ACAN: variants seen among roughly 807,000 people sequenced by gnomAD.
The protein encoded by ACAN is aggrecan core protein.
ACAN carries 47 observed loss-of-function variants against 169.1 expected under a neutral mutation model. That is an observed-to-expected ratio of 0.28 (90% CI 0.22 to 0.35). The LOEUF is 0.35. ACAN is among the 10% of genes least tolerant of loss of function. The pLI, the probability that ACAN is intolerant of heterozygous loss-of-function variation, is 1.00. For missense variants in ACAN, 2,716 were observed against 2,759.9 expected, an observed-to-expected ratio of 0.98 and a Z score of 0.36; for synonymous variants, 1,115 against 1,112.2, an observed-to-expected ratio of 1.00 and a Z score of -0.05.
intron 1 of ACAN, among the ~76,000 whole-genome samples, chr15:88,813,714 C>T (rs1895875498): frequency 6.6e-6 from 1 of 152,208 alleles, no homozygotes; most frequent in South Asian, 2.1e-4. Flanking sequence ...GTCCTAGCAC[C>T]TCTGTGCCAC....
intron 1 of ACAN, among the ~76,000 whole-genome samples, chr15:88,811,284 C>CA (rs1468414378): frequency 1.3e-5 from 2 of 152,028 alleles, no homozygotes; most frequent in African/African-American, 4.8e-5. Context: ...GACCGTGAAG[C>CA]TTTTTTTTCC....
At chr15:88,806,003 G>A (rs982031775) in intron 1 of ACAN, among the ~76,000 whole-genome samples, 2 of 152,146 alleles carry the variant, frequency 1.3e-5, no homozygotes, top group African/African-American at 4.8e-5. Flanking sequence ...TGAGACAGTC[G>A]GCAAGAGCCA....
At chr15:88,808,482 T>C (rs1231012453) in intron 1 of ACAN, among the ~76,000 whole-genome samples, 1 of 152,244 alleles carries the variant, frequency 6.6e-6, no homozygotes, top group Admixed American at 6.5e-5. Context: ...TACAGTCTAA[T>C]GGGGAAGACG....
rs1431988197 is a variant in ACAN, at chr15:88,838,009, A to G, written c.71-654A>G. On this transcript the variant is annotated intron_variant, in intron 2 of 18. Transcript: ENST00000560601. The surrounding 1 kb of genome is among the most constrained non-coding windows in gnomAD (Gnocchi z 5.1). ...ACCTCCTCTATTGACACTCTCCATT[A>G]TATTAACATGTTTGGAGTCTGATCC... Among the ~76,000 whole-genome samples, 2 of 145,690 alleles carry G rather than the reference A, an allele frequency of 1.4e-5. No homozygotes were observed. Among genetic ancestry groups the G allele is most frequent in the Non-Finnish European group, 3.0e-5 (2 of 67,246 alleles).
intron 13 of ACAN, among the ~76,000 whole-genome samples, chr15:88,863,291 C>T (rs1372686310): frequency 1.3e-5 from 2 of 152,160 alleles, no homozygotes; most frequent in Non-Finnish European, 2.9e-5. Context: ...CGTCTTTCCC[C>T]ACTTCCATTA....
intron 1 of ACAN, among the ~76,000 whole-genome samples, chr15:88,815,389 T>A (rs1895913308): frequency 6.6e-6 from 1 of 151,886 alleles, no homozygotes; most frequent in Non-Finnish European, 1.5e-5. Context: ...AGAAACCTCG[T>A]CTCTACTAAA....
intron 1 of ACAN, among the ~76,000 whole-genome samples, chr15:88,831,499 C>T (rs554428287): frequency 1.4e-4 from 22 of 152,356 alleles, no homozygotes; most frequent in African/African-American, 4.1e-4. Context: ...ACTTCTAAGA[C>T]GTACGGGCTG....
At position 88,839,546 on chromosome 15, in the gene ACAN, G is replaced by C. The variant is rs1254488399; in HGVS notation, c.455-466G>C. On this transcript the variant is annotated intron_variant, in intron 3 of 18. Transcript: ENST00000560601. The surrounding 1 kb of genome is among the most constrained non-coding windows in gnomAD (Gnocchi z 4.5). The stretch of plus-strand genomic sequence containing the variant: ...GTCTTTGGTTAGCTTCAGGACTTTG[G>C]TCAACACCAGATTTTTCCCAGGGGG... Among the ~76,000 whole-genome samples, 1 of 152,176 alleles carries C rather than the reference G, an allele frequency of 6.6e-6. No homozygotes were observed.
At chr15:88,820,500 C>G (rs1304932951) in intron 1 of ACAN, among the ~76,000 whole-genome samples, 1 of 152,176 alleles carries the variant, frequency 6.6e-6, no homozygotes, top group Non-Finnish European at 1.5e-5. Flanking sequence ...TCTGGCCCCA[C>G]TTTGTTTCTA....
intron 7 of ACAN, among the ~76,000 whole-genome samples, chr15:88,846,221 A>C (rs1474434333): frequency 6.6e-6 from 1 of 152,066 alleles, no homozygotes; most frequent in Non-Finnish European, 1.5e-5. Context: ...CCCATCAGAC[A>C]CCCCAACAAA....
At chr15:88,840,610 C>T (rs1896628370) in intron 4 of ACAN, among the ~76,000 whole-genome samples, 1 of 152,126 alleles carries the variant, frequency 6.6e-6, no homozygotes, top group African/African-American at 2.4e-5. Context: ...AGGTGCAGAG[C>T]AGTCCAGATA....
At chr15:88,865,482 CAT>C (rs34068208) in intron 13 of ACAN, among the ~76,000 whole-genome samples, 6,059 of 152,254 alleles carry the variant, frequency 0.04, 417 homozygotes, top group African/African-American at 0.14. Flanking sequence ...AAAGAATTCA[CAT>C]GTTTTCTCAC....
In ACAN at chr15:88,839,106, C is replaced by G; in HGVS notation, c.454+60C>G. The stretch of plus-strand genomic sequence containing the variant: ...CCCACATAAAGAACCAGAGCAGTCT[C>G]CGCAGTGCAGGCGCAGGCAGGCTGG... On this transcript the variant is annotated intron_variant, in intron 3 of 18. Coordinates refer to ENST00000560601, the MANE Select transcript of ACAN (RefSeq NM_001369268.1). The surrounding 1 kb of genome is among the most constrained non-coding windows in gnomAD (Gnocchi z 4.5). 6.4e-7 allele frequency: 1 copy of G among 1,574,378 alleles called. No individual in the cohort carries two copies. Among genetic ancestry groups the G allele is most frequent in the Non-Finnish European group, 8.6e-7 (1 of 1,166,622 alleles).
intron 1 of ACAN, among the ~76,000 whole-genome samples, chr15:88,826,628 GCATATTCCAGGCACTCTGCC>G (rs1896229892): frequency 6.6e-6 from 1 of 152,038 alleles, no homozygotes; most frequent in Admixed American, 6.5e-5. Flanking sequence ...CCAACCGTGC[GCATATTCCAGGCACTCTGCC>G]CATATTCCTG....
At chr15:88,833,717 CT>C (rs1234425850) in intron 1 of ACAN, among the ~76,000 whole-genome samples, 2 of 119,240 alleles carry the variant, frequency 1.7e-5, no homozygotes, top group South Asian at 5.2e-4. Context: ...CACTCCACCC[CT>C]ATCCCCCTAC....
rs1008844844 is a variant in ACAN at position 88,874,331 on chromosome 15, T to C, written c.7631-74T>C. On this transcript the variant is annotated intron_variant, in intron 18 of 18. Coordinates refer to ENST00000560601, the MANE Select transcript of ACAN (RefSeq NM_001369268.1). This position sits in a 1 kb window ranked among gnomAD's most constrained non-coding sequence, Gnocchi z 7.3. ...GGTTTCCACAAGGGAGAGAGGGTAG[T>C]CTGGGGAGAGCCTGGGCTCGCCCCA... 1 of 1,391,374 alleles carries C rather than the reference T, an allele frequency of 7.2e-7. No individual in the cohort carries two copies. The highest frequency in any genetic ancestry group is 1.0e-6 in the Non-Finnish European group (1 of 1,002,328). 86.2% of individuals were successfully genotyped at this position (1,391,374 alleles called of 1,614,324 possible). A position where few individuals can be genotyped will look rare whatever the true frequency, so the allele number is the denominator to read the frequency against.
chr15:88,858,476 T>C lies in ACAN; in HGVS notation c.5891T>C (p.Leu1964Pro). Residue 1964 changes from leucine to proline, a missense_variant, in exon 12 of 19, where the codon CTC (leucine) becomes CCC (proline). Physicochemically the swap from Leu to Pro is moderately conservative, Grantham distance 98. Coordinates refer to ENST00000560601, the MANE Select transcript of ACAN (RefSeq NM_001369268.1). The surrounding 1 kb of genome is among the most constrained non-coding windows in gnomAD (Gnocchi z 4.0). ...AGEGPSGILE[L>P]SGAHSGAPDM... ...GAAGGGCCTTCTGGCATTTTAGAAC[T>C]CAGTGGTGCTCATTCTGGAGCACCA... 1 of 1,613,742 alleles carries C rather than the reference T, an allele frequency of 6.2e-7. No individual in the cohort carries two copies. Among genetic ancestry groups the C allele is most frequent in the South Asian group, 1.1e-5 (1 of 91,086 alleles).
chr15:88,857,787 T>G lies in ACAN; in HGVS notation c.5202T>G (p.Gly1734=), dbSNP rs755636808. The change falls in exon 12 of 19, where the codon GGT becomes GGG. Residue 1734 remains glycine, a synonymous_variant. Transcript: ENST00000560601. ...DVSGEIPGLF[G]VSGQPSGFPD... is the part of the protein sequence containing the mutation. ...GTGGGGAAATACCTGGACTCTTTGG[T>G]GTCAGTGGACAGCCATCAGGGTTTC... 6.2e-7 allele frequency: 1 copy of G among 1,613,966 alleles called. No individual in the cohort carries two copies. The highest frequency in any genetic ancestry group is 8.5e-7 in the Non-Finnish European group (1 of 1,179,884).
intron 4 of ACAN, among the ~76,000 whole-genome samples, chr15:88,841,112 T>C (rs1054984644): frequency 1.3e-5 from 2 of 152,216 alleles, no homozygotes; most frequent in Non-Finnish European, 2.9e-5. Context: ...GCCACTGCAC[T>C]CCAGCCTAGG....
Sources: gnomAD v4.1 joint callset for allele counts (sites outside exome capture counted in the v4.1 genomes callset) on GRCh38, gnomAD v4.1.1 for gene constraint, Gnocchi (gnomAD v3.1) non-coding constraint, MANE v1.5 for transcripts, NCBI Gene and HGNC (gene_info 2026-07-23, HGNC 2026-07-21) for gene names.